TSNARE1: variants seen among roughly 807,000 people sequenced by gnomAD.
The protein encoded by TSNARE1 is t-SNARE domain containing 1.
TSNARE1 carries 49 observed loss-of-function variants against 62.0 expected under a neutral mutation model. The observed-to-expected ratio is 0.79, with a 90% CI of 0.63 to 1.00. TSNARE1 has a LOEUF of 1.00. Among genes scored for constraint, TSNARE1 ranks in the 50% least tolerant of loss-of-function variants. The probability of loss-of-function intolerance (pLI) is 0.00; values close to 1 mark genes in which losing one functional copy is unlikely to be tolerated. For synonymous variants in TSNARE1, 328 were observed against 294.4 expected, an observed-to-expected ratio of 1.11 and a Z score of -1.17; for missense variants, 755 against 700.1, an observed-to-expected ratio of 1.08 and a Z score of -0.88.
chr8:142,318,352 C>T (rs1275679479), intron 7 of TSNARE1, among the ~76,000 whole-genome samples, 192 bp downstream of exon 7: 7 of 152,210 alleles, frequency 4.6e-5, no homozygotes, highest in Admixed American at 1.3e-4. Flanking sequence ...GGTCAGCACA[C>T]GGCTGCTGCC....
At chr8:142,243,715 A>T (rs1293134650) in intron 12 of TSNARE1, among the ~76,000 whole-genome samples, 1 of 152,214 alleles carries the variant, frequency 6.6e-6, no homozygotes, top group African/African-American at 2.4e-5. Flanking sequence ...ATAATAATGT[A>T]TAGTAGACTT....
At chr8:142,217,303 A>AAAAGAAAGAAAGAAAGAAAG (rs140047050) in intron 13 of TSNARE1, among the ~76,000 whole-genome samples, 29 of 126,746 alleles carry the variant, frequency 2.3e-4, no homozygotes, top group Admixed American at 4.8e-4. Context: ...GAAAGAAAGA[A>AAAAGAAAGAAAGAAAGAAAG]AAAGAAAGAA....
intron 13 of TSNARE1, among the ~76,000 whole-genome samples, chr8:142,224,985 A>G (rs1816706476): frequency 6.6e-6 from 1 of 152,024 alleles, no homozygotes; most frequent in African/African-American, 2.4e-5. Flanking sequence ...GCAGGCTGGG[A>G]GCTGCTCCCA....
intron 10 of TSNARE1, among the ~76,000 whole-genome samples, chr8:142,298,336 G>A (rs1180399845): frequency 2.0e-5 from 3 of 152,228 alleles, no homozygotes; most frequent in African/African-American, 4.8e-5. Flanking sequence ...CGGTTGGAGA[G>A]GCCCTCACAC....
At chr8:142,320,873 C>G (rs1829386510) in intron 6 of TSNARE1, among the ~76,000 whole-genome samples, 1 of 152,238 alleles carries the variant, frequency 6.6e-6, no homozygotes, top group Non-Finnish European at 1.5e-5. Context: ...TCACTCATGC[C>G]CCCACTGAAA....
chr8:142,314,417 C>T lies in TSNARE1; in HGVS notation c.1098G>A (p.Ala366=), dbSNP rs775653746. The change falls in exon 9 of 14, where the codon GCG becomes GCA. Residue 366 remains alanine (A), a synonymous_variant. Coordinates refer to ENST00000524325, the MANE Select transcript of TSNARE1 (RefSeq NM_145003.5). The part of the protein sequence containing the change: ...VQKKIAEKSR[A]LLPMAQRGSK... ...TGCCCCTCTGCGCCATGGGAAGCAGCGCTCTGGACTTTTCTGCAATTTTCT... is the reference window on the plus strand; with the variant it reads ...TGCCCCTCTGCGCCATGGGAAGCAGTGCTCTGGACTTTTCTGCAATTTTCT... 7.0e-5 allele frequency: 113 copies of T among 1,614,038 alleles called. No individual in the cohort carries two copies. Among genetic ancestry groups the T allele is most frequent in the Middle Eastern group, 5.0e-4 (3 of 6,052 alleles).
At chr8:142,221,801 TCACTCATC>T (rs1446768845) in intron 13 of TSNARE1, among the ~76,000 whole-genome samples, 22 of 145,570 alleles carry the variant, frequency 1.5e-4, no homozygotes, top group African/African-American at 2.6e-4. Flanking sequence ...ACTCATTCAC[TCACTCATC>T]CACTCACTCA....
chr8:142,300,879 G>A (rs1825625967), intron 9 of TSNARE1, among the ~76,000 whole-genome samples: 1 of 152,176 alleles, frequency 6.6e-6, no homozygotes, highest in South Asian at 2.1e-4. Flanking sequence ...AGTCCCCAGT[G>A]TCATCAGCCC....
chr8:142,312,293 A>C (rs1827727303), intron 9 of TSNARE1, among the ~76,000 whole-genome samples: 1 of 152,198 alleles, frequency 6.6e-6, no homozygotes, highest in Non-Finnish European at 1.5e-5. Context: ...CCTGTTGGTC[A>C]GTTTCTACTT....
intron 12 of TSNARE1, among the ~76,000 whole-genome samples, chr8:142,230,795 TCCATCCATCCAC>T (rs1409581616): frequency 6.7e-6 from 1 of 149,456 alleles, no homozygotes; most frequent in Non-Finnish European, 1.5e-5. Flanking sequence ...CATCCATCCA[TCCATCCATCCAC>T]CCACTCATCC....
At chr8:142,403,422 G>A (rs987329473), upstream of TSNARE1, among the ~76,000 whole-genome samples, 5 of 152,036 alleles carry the variant, frequency 3.3e-5, no homozygotes, top group East Asian at 3.9e-4. Flanking sequence ...GGGGATGACG[G>A]CGAAGGTGGA....
At chr8:142,371,721 C>T (rs910695674) in intron 1 of TSNARE1, among the ~76,000 whole-genome samples, 3 of 152,108 alleles carry the variant, frequency 2.0e-5, no homozygotes, top group East Asian at 3.9e-4. Flanking sequence ...AGGCTGTATA[C>T]TTAAGGTATG....
chr8:142,283,018 GGTCA>G (rs1441087075), intron 11 of TSNARE1, among the ~76,000 whole-genome samples: 2 of 149,514 alleles, frequency 1.3e-5, no homozygotes, highest in Non-Finnish European at 3.0e-5. Context: ...GCAGAGGCGG[GGTCA>G]GTGTCTGCCA....
intron 1 of TSNARE1, among the ~76,000 whole-genome samples, chr8:142,391,009 G>A (rs1443535376): frequency 4.1e-5 from 6 of 145,144 alleles, no homozygotes; most frequent in Non-Finnish European, 7.5e-5. Context: ...ACACTGCGGG[G>A]GACTCTGTAA....
intron 10 of TSNARE1, 188 bp downstream of exon 10, chr8:142,300,298 C>A: frequency 1.7e-6 from 1 of 604,634 alleles, no homozygotes; most frequent in Non-Finnish European, 2.7e-6. Context: ...CCCAGACTCC[C>A]GTCTCTCCCT....
rs1227479972 is a variant in TSNARE1 at position 142,344,308 on chromosome 8, C to T, written c.403G>A (p.Val135Met). 2 of 1,593,784 alleles carry T rather than the reference C, an allele frequency of 1.3e-6. No individual in the cohort carries two copies. Among genetic ancestry groups the T allele is most frequent in the Admixed American group, 1.7e-5 (1 of 58,664 alleles). Reference protein sequence around the residue: ...KPNFCPQETEVLVSKVSKHHQ... With the variant: ...KPNFCPQETEMLVSKVSKHHQ... ...TGCTTGCTCACCTTGGACACCAGCA[C>T]CTCGGTCTCCTGCGGGCAGAAGTTG... The change falls in exon 4 of 14, where the codon GTG becomes ATG. Residue 135 changes from valine (V) to methionine (M), a missense_variant. Coordinates refer to ENST00000524325, the MANE Select transcript of TSNARE1 (RefSeq NM_145003.5).
chr8:142,223,491 TTCAC>T (rs1427535227), intron 13 of TSNARE1, among the ~76,000 whole-genome samples: 2 of 138,650 alleles, frequency 1.4e-5, no homozygotes, highest in African/African-American at 2.8e-5. Context: ...CACTCACTCA[TTCAC>T]TCACTCACTC....
intron 11 of TSNARE1, chr8:142,278,729 G>A (rs1820911349): frequency 1.0e-6 from 1 of 985,448 alleles, no homozygotes. Context: ...TGGGCCCGTG[G>A]GCTCGGAAGG....
At chr8:142,284,786 G>A (rs760671024) in intron 10 of TSNARE1, among the ~76,000 whole-genome samples, 9 of 152,226 alleles carry the variant, frequency 5.9e-5, no homozygotes, top group Non-Finnish European at 1.3e-4. Flanking sequence ...CCTAGGGGCT[G>A]TGAGCTGCTT....
Sources: allele counts gnomAD v4.1 joint callset (sites outside exome capture counted in the v4.1 genomes callset), GRCh38; gene constraint gnomAD v4.1.1; transcripts MANE v1.5; gene names NCBI Gene and HGNC (gene_info 2026-07-23, HGNC 2026-07-21).